Variants in UNC13B observed in about 807,000 individuals in gnomAD.
UNC13B encodes the protein unc-13 homolog B, also known as protein unc-13 homolog B.
In UNC13B, 144 loss-of-function variants were observed where a neutral mutation model predicts 211.0. That is an observed-to-expected ratio of 0.68 (90% CI 0.60 to 0.78). The LOEUF (loss-of-function observed/expected upper bound fraction) is 0.78. UNC13B is among the 30% of genes least tolerant of loss of function. UNC13B has a pLI of 0.00. For synonymous variants in UNC13B, 709 were observed against 725.8 expected, an observed-to-expected ratio of 0.98 and a Z score of 0.37; for missense variants, 1,777 against 2,002.0, an observed-to-expected ratio of 0.89 and a Z score of 2.14.
At chr9:35,229,712 A>T (rs1220712210) in intron 2 of UNC13B, among the ~76,000 whole-genome samples, 2 of 152,102 alleles carry the variant, frequency 1.3e-5, no homozygotes, top group African/African-American at 4.8e-5. Flanking sequence ...CTGGATATGG[A>T]TGGAGATTCC....
rs372321826 is a variant in UNC13B, at chr9:35,237,756, T to C, written c.324T>C (p.Asp108=). The C allele has an allele frequency of 5.8e-5, 94 of 1,613,550 alleles. No individual in the cohort carries two copies. The African/African-American group carries it at 9.7e-4, about 17-fold the overall frequency. ...TLEAETLMKD[D]EICGTRNPTP... is the part of the protein sequence containing the mutation. ...AGGCAGAGACGTTAATGAAAGACGA[T>C]GAGATCTGTGGAACTAGAAACCCAA... Residue 108 remains aspartate, a synonymous_variant, in exon 5 of 40, where the codon GAT becomes GAC. Coordinates refer to ENST00000635942, the MANE Select transcript of UNC13B (RefSeq NM_001371189.2).
intron 11 of UNC13B, chr9:35,353,564 G>C (rs1832851158): frequency 1.6e-6 from 2 of 1,231,990 alleles, no homozygotes; most frequent in Non-Finnish European, 1.0e-6. Context: ...CTTCTCTCTT[G>C]CTTCTAATAA....
intron 1 of UNC13B, among the ~76,000 whole-genome samples, chr9:35,180,332 C>T (rs928368852): frequency 6.6e-6 from 1 of 151,630 alleles, no homozygotes; most frequent in Non-Finnish European, 1.5e-5. Context: ...TGTGATAAGT[C>T]GCTATGAAGT....
In UNC13B at chr9:35,275,525, G is replaced by A. The variant is rs544324120; in HGVS notation, c.526+16475G>A. ...CATTCAAGAGGTTTTACTGCTGTTC[G>A]AATATACAGGTATATACATTAGAGA... On this transcript the variant is annotated intron_variant, in intron 7 of 39. Transcript: ENST00000635942. Among the ~76,000 whole-genome samples the A allele has an allele frequency of 6.4e-4, 97 of 152,170 alleles. 1 individual carries two copies. Among genetic ancestry groups the A allele is most frequent in the African/African-American group, 2.1e-3 (88 of 41,514 alleles).
chr9:35,329,255 A>C (rs1258858048), intron 11 of UNC13B, among the ~76,000 whole-genome samples: 2 of 152,116 alleles, frequency 1.3e-5, no homozygotes, highest in African/African-American at 2.4e-5. Flanking sequence ...ATGTGACATT[A>C]TTTGGAGATA....
chr9:35,339,782 G>A (rs1222604744), intron 11 of UNC13B, among the ~76,000 whole-genome samples: 3 of 152,244 alleles, frequency 2.0e-5, no homozygotes, highest in African/African-American at 7.2e-5. Context: ...ATGTGTTTGG[G>A]TGACAAGACA....
chr9:35,397,592 C>G, intron 29 of UNC13B, 43 bp from the exon 30 acceptor site: 1 of 1,582,144 alleles, frequency 6.3e-7, no homozygotes, highest in Non-Finnish European at 8.6e-7. Context: ...CATAGAAGAG[C>G]TAAGAGTTCC....
intron 11 of UNC13B, among the ~76,000 whole-genome samples, chr9:35,332,428 C>G (rs1044169005): frequency 6.6e-6 from 1 of 152,184 alleles, no homozygotes; most frequent in African/African-American, 2.4e-5. Context: ...AAGTTACCAT[C>G]ATTCTACTAG....
chr9:35,226,370 G>T (rs1213525452), intron 1 of UNC13B, among the ~76,000 whole-genome samples: 1 of 152,042 alleles, frequency 6.6e-6, no homozygotes, highest in African/African-American at 2.4e-5. Flanking sequence ...GTGTGTGTGT[G>T]TATGTGTGTG....
At chr9:35,299,172 C>T (rs910425913) in intron 8 of UNC13B, among the ~76,000 whole-genome samples, 1 of 152,092 alleles carries the variant, frequency 6.6e-6, no homozygotes, top group Admixed American at 6.5e-5. Flanking sequence ...GCGGACATTG[C>T]AATGAGCTGA....
intron 7 of UNC13B, among the ~76,000 whole-genome samples, chr9:35,277,839 A>G (rs765660683): frequency 1.3e-5 from 2 of 151,578 alleles, no homozygotes; most frequent in Non-Finnish European, 2.9e-5. Context: ...AAGTACCCTC[A>G]ATGGGTACAC....
chr9:35,189,180 T>G (rs1822517258), intron 1 of UNC13B, among the ~76,000 whole-genome samples: 1 of 152,222 alleles, frequency 6.6e-6, no homozygotes, highest in Non-Finnish European at 1.5e-5. Flanking sequence ...AAAAACGCAT[T>G]TTACTGTTTT....
intron 8 of UNC13B, among the ~76,000 whole-genome samples, chr9:35,297,304 G>T (rs1381325490): frequency 6.6e-6 from 1 of 151,642 alleles, no homozygotes; most frequent in Non-Finnish European, 1.5e-5. Context: ...GGTCAAGCTG[G>T]TCTCCATCTC....
intron 7 of UNC13B, 96 bp downstream of exon 7, chr9:35,259,146 CAT>C: frequency 7.9e-6 from 10 of 1,268,776 alleles, no homozygotes; most frequent in Non-Finnish European, 1.1e-5. Context: ...GTGGAGATGT[CAT>C]GTGTGTAAGC....
At chr9:35,362,769 T>C (rs570402842) in intron 11 of UNC13B, among the ~76,000 whole-genome samples, 10 of 140,884 alleles carry the variant, frequency 7.1e-5, no homozygotes, top group African/African-American at 1.9e-4. Flanking sequence ...CACTGCACTC[T>C]AGCCTGGGCA....
chr9:35,268,842 T>G (rs1022856995), intron 7 of UNC13B, among the ~76,000 whole-genome samples: 1 of 152,246 alleles, frequency 6.6e-6, no homozygotes, highest in Non-Finnish European at 1.5e-5. Context: ...ACTGCTTTTA[T>G]TTAAATAAAC....
At chr9:35,332,494 A>T (rs1222188194) in intron 11 of UNC13B, among the ~76,000 whole-genome samples, 1 of 151,876 alleles carries the variant, frequency 6.6e-6, no homozygotes, top group Non-Finnish European at 1.5e-5. Context: ...CTTGCCTCCC[A>T]CTTAGATCAT....
chr9:35,236,330 G>C, intron 3 of UNC13B, 139 bp from the exon 4 acceptor site: 1 of 662,438 alleles, frequency 1.5e-6, no homozygotes, highest in Non-Finnish European at 2.6e-6. Context: ...AAAAATGGTC[G>C]TGGCATTCTG....
In UNC13B at chr9:35,183,979, C is replaced by T. The variant is rs556105592; in HGVS notation, c.22+21674C>T. ...CCCAGACGGGGCGGCGGGGCAGAGG[C>T]GCTCCTCACCTCCCAGACGGGGCAG... On this transcript the variant is annotated intron_variant, in intron 1 of 39. Transcript: ENST00000635942. 1.2e-4 allele frequency among the ~76,000 whole-genome samples: 17 copies of T among 145,564 alleles called. No individual in the cohort carries two copies. In the South Asian group the frequency reaches 1.5e-3, roughly 13 times the overall value.
Sources: allele counts gnomAD v4.1 joint callset (sites outside exome capture counted in the v4.1 genomes callset), GRCh38; gene constraint gnomAD v4.1.1; transcripts MANE v1.5; gene names NCBI Gene and HGNC (gene_info 2026-07-23, HGNC 2026-07-21).